The following USP17L7 variants were observed in gnomAD, a reference collection of about 807,000 sequenced individuals.
USP17L7 encodes ubiquitin specific peptidase 17 like family member 7.
Under a neutral mutation model 37.6 loss-of-function variants are expected in USP17L7, and 53 were observed. The ratio of observed to expected loss-of-function variants is 1.41; its 90% CI spans 1.13 to 1.77. The LOEUF is 1.77. USP17L7 is among the 40% of genes most tolerant of loss of function. USP17L7 has a pLI of 0.00. For synonymous variants in USP17L7, 330 were observed against 251.0 expected (o/e 1.31, Z -2.98); for missense variants, 914 against 645.0 (o/e 1.42, Z -4.52).
At position 12,133,528 on chromosome 8, in the gene USP17L7, G is replaced by C. The variant is rs17815120; in HGVS notation, c.482C>G (p.Ala161Gly). ...CACAGTAAACATGAGAAATTCATGGGCATCCTCCTGCTCACCTCTATGGAA... is the reference window on the plus strand; with the variant it reads ...CACAGTAAACATGAGAAATTCATGGCCATCCTCCTGCTCACCTCTATGGAA... ...AGFHRGEQEDAHEFLMFTVDA... is the reference protein window; with the variant it reads ...AGFHRGEQEDGHEFLMFTVDA... Residue 161 changes from alanine to glycine, a missense_variant, in exon 1 of 1, where the codon GCC becomes GGC. Coordinates refer to ENST00000530447, the MANE Select transcript of USP17L7 (RefSeq NM_001256869.2). 119,796 of 1,413,596 alleles carry C rather than the reference G, an allele frequency of 0.085. 9,713 individuals are homozygous for C. Among genetic ancestry groups the C allele is most frequent in the Middle Eastern group, 0.15 (590 of 3,874 alleles). 87.6% of individuals were successfully genotyped at this position (1,413,596 alleles called of 1,614,324 possible).
At position 12,133,663 on chromosome 8, in the gene USP17L7, G is replaced by A. The variant is rs150814956; in HGVS notation, c.347C>T (p.Thr116Met). The change falls in exon 1 of 1, where the codon ACG becomes ATG. Residue 116 changes from threonine (T) to methionine (M), a missense_variant. By Grantham distance (81) the Thr-to-Met change is moderately conservative. Transcript: ENST00000530447. ...NYMLSREDSQ[T>M]CHLHKCCMFC... ...CATGCAGCACTTGTGAAGATGACACGTTTGAGAGTCCTCCCGGGACAGCAT... is the reference window on the plus strand; with the variant it reads ...CATGCAGCACTTGTGAAGATGACACATTTGAGAGTCCTCCCGGGACAGCAT... 2.0e-4 allele frequency: 244 copies of A among 1,235,562 alleles called. 18 individuals carry two copies. In the East Asian group the frequency reaches 5.3e-3, roughly 27 times the overall value. 76.5% of individuals were successfully genotyped at this position (1,235,562 alleles called of 1,614,324 possible).
chr8:12,132,937 C>A lies in USP17L7; in HGVS notation c.1073G>T (p.Gly358Val), dbSNP rs776542728. The A allele has an allele frequency of 6.5e-7, 1 of 1,529,870 alleles. No homozygotes were observed. Among genetic ancestry groups the A allele is most frequent in the Non-Finnish European group, 8.9e-7 (1 of 1,125,398 alleles). 94.8% of individuals were successfully genotyped at this position (1,529,870 alleles called of 1,614,324 possible). A position where few individuals can be genotyped will look rare whatever the true frequency, so the allele number is the denominator to read the frequency against. The change falls in exon 1 of 1, where the codon GGC becomes GTC. Residue 358 changes from glycine to valine, a missense_variant. Coordinates refer to ENST00000530447, the MANE Select transcript of USP17L7 (RefSeq NM_001256869.2). ...KMDDAEVTAS[G>V]ITSVLSQQAY... ...CTGTTGACTCAGGACAGAGGTGATGCCAGAGGCAGTGACCTCGGCATCATC... is the reference window on the plus strand; with the variant it reads ...CTGTTGACTCAGGACAGAGGTGATGACAGAGGCAGTGACCTCGGCATCATC...
In USP17L7 at chr8:12,133,729, GA is replaced by G. The variant is rs760033958; in HGVS notation, c.280del (p.Ser94ProfsTer5). The G allele has an allele frequency of 3.7e-6, 5 of 1,365,972 alleles. No homozygotes were observed. In the South Asian group the frequency reaches 5.2e-5, roughly 14 times the overall value. 84.6% of individuals were successfully genotyped at this position (1,365,972 alleles called of 1,614,324 possible). A position where few individuals can be genotyped will look rare whatever the true frequency, so the allele number is the denominator to read the frequency against. On this transcript the variant is annotated frameshift_variant, in exon 1 of 1. Transcript: ENST00000530447. LOFTEE classifies it high-confidence loss of function. Reference protein sequence around the residue: ...KIGNTFYVNVSLQCLTYTLPL... With the variant: ...KIGNTFYVNVXLQCLTYTLPL... ...CAGTGTGTATGTCAGGCACTGCAGG[GA>G]AACGTTCACATAGAAGGTATTTCCT...
chr8:12,132,578 G>C lies in USP17L7; in HGVS notation c.1432C>G (p.His478Asp). 1 of 1,530,348 alleles carries C rather than the reference G, an allele frequency of 6.5e-7. No homozygotes were observed. Among genetic ancestry groups the C allele is most frequent in the Non-Finnish European group, 8.9e-7 (1 of 1,127,634 alleles). The allele number at this position is 1,530,348 out of a possible 1,614,324, so 94.8% of individuals were successfully genotyped here. A position where few individuals can be genotyped will look rare whatever the true frequency, so the allele number is the denominator to read the frequency against. ...QSKYKCGMKN[H>D]HPEQQSSLLN... ...AGGGAGCTTTGCTGTTCAGGATGAT[G>C]GTTTTTCATACCACACTTGTATTTT... is the stretch of plus-strand genomic sequence containing the variant. Residue 478 changes from histidine to aspartate, a missense_variant, in exon 1 of 1, where the codon CAT becomes GAT. Transcript: ENST00000530447.
Position 12,133,201 on chromosome 8 carries a change from G to A in USP17L7, c.809C>T (p.Pro270Leu). The A allele has an allele frequency of 2.7e-6, 4 of 1,487,678 alleles. No individual in the cohort carries two copies. Among genetic ancestry groups the A allele is most frequent in the South Asian group, 1.3e-5 (1 of 79,352 alleles). 92.2% of individuals were successfully genotyped at this position (1,487,678 alleles called of 1,614,324 possible). A position where few individuals can be genotyped will look rare whatever the true frequency, so the allele number is the denominator to read the frequency against. Residue 270 changes from proline (P) to leucine (L), a missense_variant, in exon 1 of 1, where the codon CCC becomes CTC. Coordinates refer to ENST00000530447, the MANE Select transcript of USP17L7 (RefSeq NM_001256869.2). ...AAGAATGAGGACCTTGGCAGAAGTG[G>A]GTAAAGTTAACGTCTTGGAGGCAGG... ...KAPASKTLTL[P>L]TSAKVLILVL...
In USP17L7 at chr8:12,133,950, G is replaced by C. The variant is rs1332891058; in HGVS notation, c.60C>G (p.Leu20=). The C allele has an allele frequency of 5.2e-6, 7 of 1,344,848 alleles. No individual in the cohort carries two copies. The highest frequency in any genetic ancestry group is 1.8e-5 in the Admixed American group (1 of 57,022). The allele number at this position is 1,344,848 out of a possible 1,614,324, so 83.3% of individuals were successfully genotyped here. ...AAGCTGCATCTAGCCGAGAAGATGT[G>C]AGTTTTGAAAAGTGATTGAACTGCC... ...GDWQFNHFSK[L]TSSRLDAAFA... The change falls in exon 1 of 1, where the codon CTC becomes CTG. Residue 20 remains leucine, a synonymous_variant. Coordinates refer to ENST00000530447, the MANE Select transcript of USP17L7 (RefSeq NM_001256869.2).
chr8:12,132,634 AG>A lies in USP17L7; in HGVS notation c.1375del (p.Leu459CysfsTer7), dbSNP rs1191659049. ...EFNVRKVEGT[L>X]PPNVLVIHQS... Reference sequence around the variant, plus strand: ...ATGAATCACAAGTACGTTGGGAGGCAGGGTACCTTCAACTTTTCTGACGTTG... The same window carrying A: ...ATGAATCACAAGTACGTTGGGAGGCAGGTACCTTCAACTTTTCTGACGTTG... On this transcript the variant is annotated frameshift_variant, in exon 1 of 1. Coordinates refer to ENST00000530447, the MANE Select transcript of USP17L7 (RefSeq NM_001256869.2). LOFTEE classifies it high-confidence loss of function. 1 of 1,535,836 alleles carries A rather than the reference AG, an allele frequency of 6.5e-7. No individual in the cohort carries two copies. The highest frequency in any genetic ancestry group is 2.6e-5 in the East Asian group (1 of 38,966).
Position 12,134,004 on chromosome 8 carries a change from T to C in USP17L7, c.6A>G (p.Glu2=), listed in dbSNP as rs559919344. ...CACCTCCCAAATAGAGTGAGTCGTC[T>C]TCCATGTCGCCCGCAACAAGGATCA... is the stretch of plus-strand genomic sequence containing the variant. M[E]DDSLYLGGDW... The change falls in exon 1 of 1, where the codon GAA becomes GAG. Residue 2 remains glutamate, a synonymous_variant. Transcript: ENST00000530447. 521 of 1,033,544 alleles carry C rather than the reference T, an allele frequency of 5.0e-4. 66 individuals carry two copies. In the South Asian group the frequency reaches 6.7e-3, roughly 13 times the overall value. 64.0% of individuals were successfully genotyped at this position (1,033,544 alleles called of 1,614,324 possible).
chr8:12,133,741 T>A lies in USP17L7; in HGVS notation c.269A>T (p.Tyr90Phe). 3.6e-6 allele frequency: 5 copies of A among 1,392,224 alleles called. 1 individual carries two copies. Among genetic ancestry groups the A allele is most frequent in the Non-Finnish European group, 5.0e-6 (5 of 1,003,410 alleles). The allele number at this position is 1,392,224 out of a possible 1,614,324, so 86.2% of individuals were successfully genotyped here. A position where few individuals can be genotyped will look rare whatever the true frequency, so the allele number is the denominator to read the frequency against. Residue 90 changes from tyrosine to phenylalanine, a missense_variant, in exon 1 of 1, where the codon TAT becomes TTT. Tyr to Phe is a conservative substitution (Grantham distance 22, BLOSUM62 3). Transcript: ENST00000530447. Reference sequence around the variant, plus strand: ...CAGGCACTGCAGGGAAACGTTCACATAGAAGGTATTTCCTATCTTCTGGAG... The same window carrying A: ...CAGGCACTGCAGGGAAACGTTCACAAAGAAGGTATTTCCTATCTTCTGGAG... ...AGLQKIGNTF[Y>F]VNVSLQCLTY... is the part of the protein sequence containing the mutation.
rs1353878330 is a variant in USP17L7 at position 12,132,575 on chromosome 8, G to A, written c.1435C>T (p.His479Tyr). The change falls in exon 1 of 1, where the codon CAT becomes TAT. Residue 479 changes from histidine to tyrosine, a missense_variant. Physicochemically the swap from His to Tyr is moderately conservative, Grantham distance 83 (BLOSUM62 2). Coordinates refer to ENST00000530447, the MANE Select transcript of USP17L7 (RefSeq NM_001256869.2). Reference protein sequence around the residue: ...SKYKCGMKNHHPEQQSSLLNL... With the variant: ...SKYKCGMKNHYPEQQSSLLNL... ...AGCAGGGAGCTTTGCTGTTCAGGAT[G>A]ATGGTTTTTCATACCACACTTGTAT... The A allele has an allele frequency of 1.3e-6, 2 of 1,529,864 alleles. No homozygotes were observed. Among genetic ancestry groups the A allele is most frequent in the South Asian group, 1.2e-5 (1 of 81,090 alleles). The allele number at this position is 1,529,864 out of a possible 1,614,324, so 94.8% of individuals were successfully genotyped here.
At position 12,133,542 on chromosome 8, in the gene USP17L7, A is replaced by G. The variant is rs550377621; in HGVS notation, c.468T>C (p.Gly156=). ...SQVLAAGFHR[G]EQEDAHEFLM... Reference sequence around the variant, plus strand: ...GAAATTCATGGGCATCCTCCTGCTCACCTCTATGGAAGCCAGCAGCCAATA... The same window carrying G: ...GAAATTCATGGGCATCCTCCTGCTCGCCTCTATGGAAGCCAGCAGCCAATA... Residue 156 remains glycine (G), a synonymous_variant, in exon 1 of 1, where the codon GGT becomes GGC. Coordinates refer to ENST00000530447, the MANE Select transcript of USP17L7 (RefSeq NM_001256869.2). The G allele has an allele frequency of 1.8e-4, 259 of 1,436,788 alleles. 25 individuals carry two copies. The highest frequency in any genetic ancestry group is 2.4e-4 in the Non-Finnish European group (251 of 1,045,228). 89.0% of individuals were successfully genotyped at this position (1,436,788 alleles called of 1,614,324 possible).
At position 12,133,446 on chromosome 8, in the gene USP17L7, C is replaced by A; in HGVS notation, c.564G>T (p.Lys188Asn). The A allele has an allele frequency of 1.4e-6, 2 of 1,465,540 alleles. No individual in the cohort carries two copies. The highest frequency in any genetic ancestry group is 2.6e-5 in the East Asian group (1 of 38,238). The allele number at this position is 1,465,540 out of a possible 1,614,324, so 90.8% of individuals were successfully genotyped here. ...PGHKQLDHHS[K>N]DTTLIHQIFG... ...ATATTTGGTGGATGAGGGTGGTGTC[C>A]TTGGAGTGATGATCTAGCTGCTTGT... The change falls in exon 1 of 1, where the codon AAG (lysine) becomes AAT (asparagine). Residue 188 changes from lysine (K) to asparagine (N), a missense_variant. Transcript: ENST00000530447.
At position 12,133,646 on chromosome 8, in the gene USP17L7, A is replaced by G. The variant is rs757695378; in HGVS notation, c.364T>C (p.Cys122Arg). The G allele has an allele frequency of 1.6e-6, 2 of 1,224,516 alleles. No homozygotes were observed. Among genetic ancestry groups the G allele is most frequent in the Non-Finnish European group, 2.4e-6 (2 of 850,402 alleles). The allele number at this position is 1,224,516 out of a possible 1,614,324, so 75.9% of individuals were successfully genotyped here. Residue 122 changes from cysteine (C) to arginine (R), a missense_variant, in exon 1 of 1, where the codon TGC becomes CGC. Physicochemically the swap from Cys to Arg is radical, Grantham distance 180. Coordinates refer to ENST00000530447, the MANE Select transcript of USP17L7 (RefSeq NM_001256869.2). The stretch of plus-strand genomic sequence containing the variant: ...GCTTGCATAGTACAGAACATGCAGC[A>G]CTTGTGAAGATGACACGTTTGAGAG... ...EDSQTCHLHK[C>R]CMFCTMQAHI...
chr8:12,133,054 A>G lies in USP17L7; in HGVS notation c.956T>C (p.Leu319Pro). The G allele has an allele frequency of 6.6e-7, 1 of 1,515,358 alleles. No homozygotes were observed. Among genetic ancestry groups the G allele is most frequent in the South Asian group, 1.2e-5 (1 of 80,444 alleles). The allele number at this position is 1,515,358 out of a possible 1,614,324, so 93.9% of individuals were successfully genotyped here. Residue 319 changes from leucine to proline, a missense_variant, in exon 1 of 1, where the codon CTC becomes CCC. Coordinates refer to ENST00000530447, the MANE Select transcript of USP17L7 (RefSeq NM_001256869.2). ...CCCAGCGTGGACCAGCACAGCATAG[A>G]GGACATAGACAAGAGGTCCTGTGTT... Reference protein sequence around the residue: ...QQNTGPLVYVLYAVLVHAGWS... With the variant: ...QQNTGPLVYVPYAVLVHAGWS...
chr8:12,133,337 G>A lies in USP17L7; in HGVS notation c.673C>T (p.Leu225=), dbSNP rs756564399. The A allele has an allele frequency of 3.3e-6, 5 of 1,500,146 alleles. No individual in the cohort carries two copies. The African/African-American group carries it at 5.6e-5, about 17-fold the overall frequency. 92.9% of individuals were successfully genotyped at this position (1,500,146 alleles called of 1,614,324 possible). A position where few individuals can be genotyped will look rare whatever the true frequency, so the allele number is the denominator to read the frequency against. ...ACACTCTGAGCTGCCTGGATATCCAGGGCGATGTCCAGGTAAGGGTCAAAG... is the reference window on the plus strand; with the variant it reads ...ACACTCTGAGCTGCCTGGATATCCAAGGCGATGTCCAGGTAAGGGTCAAAG... The part of the protein sequence containing the change: ...DTFDPYLDIA[L]DIQAAQSVKQ... The change falls in exon 1 of 1, where the codon CTG becomes TTG. Residue 225 remains leucine, a synonymous_variant. Coordinates refer to ENST00000530447, the MANE Select transcript of USP17L7 (RefSeq NM_001256869.2).
Position 12,133,467 on chromosome 8 carries a change from C to T in USP17L7, c.543G>A (p.Lys181=), listed in dbSNP as rs1416274126. The change falls in exon 1 of 1, where the codon AAG becomes AAA. Residue 181 remains lysine, a synonymous_variant. Coordinates refer to ENST00000530447, the MANE Select transcript of USP17L7 (RefSeq NM_001256869.2). ...TGTCCTTGGAGTGATGATCTAGCTG[C>T]TTGTGCCCGGGAAGGCATGCCTTTT... ...AMKKACLPGH[K]QLDHHSKDTT... is the part of the protein sequence containing the mutation. 4.1e-6 allele frequency: 6 copies of T among 1,475,548 alleles called. 1 individual carries two copies. Among genetic ancestry groups the T allele is most frequent in the South Asian group, 3.8e-5 (3 of 79,678 alleles). The allele number at this position is 1,475,548 out of a possible 1,614,324, so 91.4% of individuals were successfully genotyped here. A position where few individuals can be genotyped will look rare whatever the true frequency, so the allele number is the denominator to read the frequency against.
chr8:12,132,828 A>G lies in USP17L7; in HGVS notation c.1182T>C (p.Leu394=), dbSNP rs569861778. Residue 394 remains leucine, a synonymous_variant, in exon 1 of 1, where the codon CTT becomes CTC. Coordinates refer to ENST00000530447, the MANE Select transcript of USP17L7 (RefSeq NM_001256869.2). ...SVSRGREPRA[L]GAEDTDRPAT... ...CTGGCCTGTCTGTGTCTTCAGCACCAAGGGCTCTTGGTTCCCTGCCTCTTG... is the reference window on the plus strand; with the variant it reads ...CTGGCCTGTCTGTGTCTTCAGCACCGAGGGCTCTTGGTTCCCTGCCTCTTG... 4.5e-5 allele frequency: 69 copies of G among 1,519,682 alleles called. 3 individuals are homozygous for G. The highest frequency in any genetic ancestry group is 1.0e-4 in the East Asian group (4 of 38,582). 94.1% of individuals were successfully genotyped at this position (1,519,682 alleles called of 1,614,324 possible).
At position 12,133,235 on chromosome 8, in the gene USP17L7, G is replaced by A. The variant is rs1241864623; in HGVS notation, c.775C>T (p.Gln259Ter). ...AACGTCTTGGAGGCAGGCGCCTTCT[G>A]GAGACAAAGACCACAATGATAGGCA... The part of the protein sequence containing the change: ...ENAYHCGLCL[Q>*]KAPASKTLTL... The change falls in exon 1 of 1, where the codon CAG becomes TAG. Residue 259 changes from glutamine to a stop codon, truncating the protein, a stop_gained. Transcript: ENST00000530447. LOFTEE classifies it high-confidence loss of function. 1.3e-6 allele frequency: 2 copies of A among 1,505,102 alleles called. 1 individual carries two copies. Among genetic ancestry groups the A allele is most frequent in the East Asian group, 5.2e-5 (2 of 38,570 alleles). The allele number at this position is 1,505,102 out of a possible 1,614,324, so 93.2% of individuals were successfully genotyped here.
Position 12,133,441 on chromosome 8 carries a change from G to T in USP17L7, c.569C>A (p.Thr190Asn). The T allele has an allele frequency of 6.8e-7, 1 of 1,461,884 alleles. No individual in the cohort carries two copies. The highest frequency in any genetic ancestry group is 9.3e-7 in the Non-Finnish European group (1 of 1,072,092). The allele number at this position is 1,461,884 out of a possible 1,614,324, so 90.6% of individuals were successfully genotyped here. The change falls in exon 1 of 1, where the codon ACC (threonine) becomes AAC (asparagine). Residue 190 changes from threonine to asparagine, a missense_variant. Coordinates refer to ENST00000530447, the MANE Select transcript of USP17L7 (RefSeq NM_001256869.2). ...HKQLDHHSKDTTLIHQIFGAY... is the reference protein window; with the variant it reads ...HKQLDHHSKDNTLIHQIFGAY... ...TCCAAATATTTGGTGGATGAGGGTG[G>T]TGTCCTTGGAGTGATGATCTAGCTG...
Sources: allele counts gnomAD v4.1 joint callset, GRCh38; gene constraint gnomAD v4.1.1; transcripts MANE v1.5; gene names NCBI Gene and HGNC (gene_info 2026-07-23, HGNC 2026-07-21).